Variants in KATNIP observed in about 807,000 individuals in gnomAD.
KATNIP encodes the protein katanin interacting protein, also known as katanin-interacting protein.
A neutral mutation model predicts 174.0 loss-of-function variants in KATNIP; 126 were observed. That is an observed-to-expected ratio of 0.72 (90% CI 0.63 to 0.84). The LOEUF (loss-of-function observed/expected upper bound fraction) is 0.84, where lower values mean the gene tolerates loss of function less well. KATNIP is among the 40% of genes least tolerant of loss of function. The pLI, the probability that KATNIP is intolerant of heterozygous loss-of-function variation, is 0.00. For missense variants in KATNIP, 1,958 were observed against 2,109.7 expected (o/e 0.93, Z 1.41); for synonymous variants, 810 against 835.7 (o/e 0.97, Z 0.53).
chr16:27,582,188 C>T (rs2090725299), intron 2 of KATNIP, among the ~76,000 whole-genome samples: 2 of 152,186 alleles, frequency 1.3e-5, no homozygotes, highest in African/African-American at 4.8e-5. Context: ...CTTCCCTTTT[C>T]TCCATTCAGT....
intron 18 of KATNIP, among the ~76,000 whole-genome samples, chr16:27,760,595 C>T (rs753913804): frequency 1.3e-5 from 2 of 152,214 alleles, no homozygotes; most frequent in Non-Finnish European, 2.9e-5. Context: ...CAGTTTCCAG[C>T]GCTGGGGCTT....
chr16:27,583,325 A>T (rs2090767537), intron 2 of KATNIP, among the ~76,000 whole-genome samples: 1 of 152,304 alleles, frequency 6.6e-6, no homozygotes, highest in South Asian at 2.1e-4. Context: ...GAGCACCATC[A>T]AAGTGTTCTC....
chr16:27,578,494 C>G (rs946842183), intron 2 of KATNIP, among the ~76,000 whole-genome samples: 1 of 152,134 alleles, frequency 6.6e-6, no homozygotes, highest in African/African-American at 2.4e-5. Flanking sequence ...TATAGATGAG[C>G]CCCAAATAAA....
In KATNIP at chr16:27,773,179, C is replaced by T. The variant is rs1449567969; in HGVS notation, c.4279C>T (p.Arg1427Ter). The change falls in exon 23 of 28, where the codon CGA (arginine) becomes TGA (stop). Residue 1427 changes from arginine to a stop codon, truncating the protein, a stop_gained. Transcript: ENST00000261588. LOFTEE classifies it high-confidence loss of function. ...GLTGLELYDERGEKIPLSENN... is the reference protein window; with the variant it reads ...GLTGLELYDE ...CACCGGCCTGGAGCTGTATGACGAG[C>T]GAGGAGAAAAAATCCCCTTGTCGGA... The T allele has an allele frequency of 1.9e-6, 3 of 1,611,324 alleles. No homozygotes were observed. Among genetic ancestry groups the T allele is most frequent in the South Asian group, 1.1e-5 (1 of 90,420 alleles).
At chr16:27,730,349 T>A (rs969503213) in intron 14 of KATNIP, among the ~76,000 whole-genome samples, 15 of 152,238 alleles carry the variant, frequency 9.9e-5, no homozygotes, top group African/African-American at 3.6e-4. Flanking sequence ...AACTAGAGGA[T>A]CCCACATTTA....
chr16:27,725,372 G>A (rs1463012366), intron 14 of KATNIP, among the ~76,000 whole-genome samples: 1 of 152,226 alleles, frequency 6.6e-6, no homozygotes, highest in African/African-American at 2.4e-5. Context: ...GAAACAGCTT[G>A]CTGGAGTGCC....
intron 14 of KATNIP, among the ~76,000 whole-genome samples, chr16:27,739,362 C>T (rs2081018323): frequency 6.6e-6 from 1 of 152,088 alleles, no homozygotes; most frequent in Admixed American, 6.5e-5. Flanking sequence ...CCGCAGAGGG[C>T]CCCCGTGGGA....
At chr16:27,703,230 T>C (rs142056333) in intron 11 of KATNIP, among the ~76,000 whole-genome samples, 62 of 152,128 alleles carry the variant, frequency 4.1e-4, no homozygotes, top group Admixed American at 9.2e-4. Flanking sequence ...CTGATGCAGT[T>C]TTATTACAAG....
intron 5 of KATNIP, among the ~76,000 whole-genome samples, chr16:27,640,311 A>T (rs191851359): frequency 6.6e-6 from 1 of 152,250 alleles, no homozygotes; most frequent in South Asian, 2.1e-4. Flanking sequence ...CAGCGTGCCA[A>T]GCGGGGAGCT....
In KATNIP at chr16:27,769,932, G is replaced by T. The variant is rs1003634230; in HGVS notation, c.4047G>T (p.Gly1349=). ...CAGAGGGCTTTCTCATCCGGAAGGG[G>T]CCAGGCAACTGCCACTTTGATTTTG... is the stretch of plus-strand genomic sequence containing the variant. ...SPPEGFLIRK[G]PGNCHFDFAQ... Residue 1349 remains glycine (G), a synonymous_variant, in exon 21 of 28, where the codon GGG becomes GGT. Transcript: ENST00000261588. 7 of 1,614,218 alleles carry T rather than the reference G, an allele frequency of 4.3e-6. No individual in the cohort carries two copies. In the East Asian group the frequency reaches 1.6e-4, roughly 36 times the overall value.
At chr16:27,630,995 C>A in intron 4 of KATNIP, 70 bp from the exon 5 acceptor site, 7 of 1,289,070 alleles carry the variant, frequency 5.4e-6, no homozygotes, top group Non-Finnish European at 3.3e-6. Context: ...ACATGAGTTA[C>A]AAACCAACCC....
At chr16:27,694,803 A>T (rs182379895) in intron 8 of KATNIP, among the ~76,000 whole-genome samples, 111 of 151,890 alleles carry the variant, frequency 7.3e-4, no homozygotes, top group Admixed American at 1.2e-3. Flanking sequence ...ATAAATAAAT[A>T]AATAAATAAA....
rs182772607 is a variant in KATNIP at position 27,655,312 on chromosome 16, C to T, written c.540+6577C>T. On this transcript the variant is annotated intron_variant, in intron 6 of 27. Coordinates refer to ENST00000261588, the MANE Select transcript of KATNIP (RefSeq NM_015202.5). ...ACAGTGGTGCAATCATGGCTCACTGCGGCTTTGAACTCCTGGGCTCTAGTG... is the reference window on the plus strand; with the variant it reads ...ACAGTGGTGCAATCATGGCTCACTGTGGCTTTGAACTCCTGGGCTCTAGTG... 1.1e-4 allele frequency among the ~76,000 whole-genome samples: 16 copies of T among 148,478 alleles called. No homozygotes were observed. The East Asian group carries it at 2.2e-3, about 20-fold the overall frequency.
chr16:27,650,563 G>A (rs1345687021), intron 6 of KATNIP, among the ~76,000 whole-genome samples: 1 of 152,180 alleles, frequency 6.6e-6, no homozygotes, highest in Non-Finnish European at 1.5e-5. Flanking sequence ...TGACGTCACC[G>A]CAAAGGCAGA....
intron 5 of KATNIP, among the ~76,000 whole-genome samples, chr16:27,648,215 C>T (rs1323064681): frequency 1.3e-5 from 2 of 151,816 alleles, no homozygotes; most frequent in African/African-American, 4.8e-5. Flanking sequence ...ATTACTTGAA[C>T]CTAGGAGGTA....
Position 27,775,948 on chromosome 16 carries a change from AG to A in KATNIP, c.4449+869del, listed in dbSNP as rs2082481346. 2.0e-5 allele frequency among the ~76,000 whole-genome samples: 3 copies of A among 152,150 alleles called. No individual in the cohort carries two copies. The South Asian group carries it at 6.2e-4, about 32-fold the overall frequency. On this transcript the variant is annotated intron_variant, in intron 24 of 27. Transcript: ENST00000261588. Reference sequence around the variant, plus strand: ...CTCAGCTTCCCCTGCCCCATTGCAGAGGGGGCAACAGAGCTCTGTCCTCCCT... The same window carrying A: ...CTCAGCTTCCCCTGCCCCATTGCAGAGGGGCAACAGAGCTCTGTCCTCCCT...
intron 5 of KATNIP, among the ~76,000 whole-genome samples, chr16:27,638,130 G>A (rs1395416951): frequency 1.3e-5 from 2 of 152,164 alleles, no homozygotes; most frequent in African/African-American, 4.8e-5. Context: ...CTCAGGGCAT[G>A]GCCTGGGCTG....
chr16:27,698,631 G>A (rs2078997735), intron 9 of KATNIP, 131 bp downstream of exon 9: 1 of 873,216 alleles, frequency 1.1e-6, no homozygotes. Flanking sequence ...ACTCATCCGT[G>A]TTTCCACTGT....
intron 5 of KATNIP, among the ~76,000 whole-genome samples, chr16:27,640,845 C>T (rs77084024): frequency 2.6e-5 from 4 of 152,088 alleles, no homozygotes; most frequent in East Asian, 1.9e-4. Flanking sequence ...AAACCACAGA[C>T]GAGAGAGAGG....
Sources: gnomAD v4.1 joint callset for allele counts (sites outside exome capture counted in the v4.1 genomes callset) on GRCh38, gnomAD v4.1.1 for gene constraint, MANE v1.5 for transcripts, NCBI Gene and HGNC (gene_info 2026-07-23, HGNC 2026-07-21) for gene names.